Variants in DCC observed in about 807,000 individuals in gnomAD.
DCC encodes netrin receptor DCC.
A neutral mutation model predicts 172.5 loss-of-function variants in DCC; 58 were observed. That is an observed-to-expected ratio of 0.34 (90% CI 0.27 to 0.42). The LOEUF is 0.42. DCC is among the 10% of genes least tolerant of loss of function. DCC has a pLI of 1.00. For synonymous variants in DCC, 709 were observed against 644.5 expected, an observed-to-expected ratio of 1.10 and a Z score of -1.52; for missense variants, 1,740 against 1,791.0, an observed-to-expected ratio of 0.97 and a Z score of 0.51.
intron 8 of DCC, among the ~76,000 whole-genome samples, chr18:53,173,529 C>A (rs985935727): frequency 6.6e-6 from 1 of 152,110 alleles, no homozygotes; most frequent in Non-Finnish European, 1.5e-5. Context: ...GGTTGCAATC[C>A]TACTCTCTGA....
chr18:52,688,365 G>A (rs1398723995), intron 1 of DCC, among the ~76,000 whole-genome samples: 1 of 152,108 alleles, frequency 6.6e-6, no homozygotes, highest in Non-Finnish European at 1.5e-5. Context: ...AGCTTGGAGT[G>A]ATTGCAGTTT....
At chr18:52,639,782 C>A (rs1254228111) in intron 1 of DCC, among the ~76,000 whole-genome samples, 1 of 152,020 alleles carries the variant, frequency 6.6e-6, no homozygotes, top group African/African-American at 2.4e-5. Flanking sequence ...TCCTACGAGA[C>A]GTTCAAAGAA....
At chr18:53,453,072 C>T (rs1327636382) in intron 23 of DCC, among the ~76,000 whole-genome samples, 6 of 152,038 alleles carry the variant, frequency 3.9e-5, no homozygotes, top group Non-Finnish European at 7.4e-5. Context: ...CCCGCCACCA[C>T]GCCCAGCTAA....
intron 3 of DCC, among the ~76,000 whole-genome samples, chr18:52,908,293 G>C (rs961533968): frequency 1.3e-5 from 2 of 152,108 alleles, no homozygotes; most frequent in African/African-American, 4.8e-5. Flanking sequence ...TAGTCACAGG[G>C]ATACTGACTT....
At chr18:53,492,645 G>A (rs115829248) in intron 26 of DCC, among the ~76,000 whole-genome samples, 2,748 of 152,206 alleles carry the variant, frequency 0.018, 83 homozygotes, top group African/African-American at 0.062. Context: ...TGAGGCATCC[G>A]TTCTGTTCTG....
chr18:53,131,540 A>G (rs2043651200), intron 7 of DCC, among the ~76,000 whole-genome samples: 1 of 152,152 alleles, frequency 6.6e-6, no homozygotes. Context: ...CACTTTGATG[A>G]CCTGGCTTTG....
At chr18:52,435,510 C>T (rs1987763238) in intron 1 of DCC, among the ~76,000 whole-genome samples, 1 of 152,194 alleles carries the variant, frequency 6.6e-6, no homozygotes, top group Non-Finnish European at 1.5e-5. Context: ...ATCCCTGCAG[C>T]TTTGTCACTT....
rs765531236 is a variant in DCC, at chr18:53,063,366, G to T, written c.1047G>T (p.Glu349Asp). The stretch of plus-strand genomic sequence containing the variant: ...ATGCCTATGAAAGCATGGATATTGA[G>T]TTTGAATGTACAGTCTCTGGAAAGC... The part of the protein sequence containing the change: ...NLYAYESMDI[E>D]FECTVSGKPV... The change falls in exon 6 of 29, where the codon GAG (glutamate) becomes GAT (aspartate). Residue 349 changes from glutamate to aspartate, a missense_variant. Physicochemically the swap from Glu to Asp is conservative, Grantham distance 45 (BLOSUM62 2). This residue lies in a region of DCC where 1,732 missense variants were observed against 1,767.4 expected (regional missense o/e 0.98). Coordinates refer to ENST00000442544, the MANE Select transcript of DCC (RefSeq NM_005215.4). 1.2e-6 allele frequency: 2 copies of T among 1,613,048 alleles called. No individual in the cohort carries two copies. The highest frequency in any genetic ancestry group is 2.2e-5 in the South Asian group (2 of 91,056).
chr18:53,307,723 A>G (rs1243487687), intron 13 of DCC, among the ~76,000 whole-genome samples: 1 of 151,400 alleles, frequency 6.6e-6, no homozygotes, highest in Admixed American at 6.6e-5. Flanking sequence ...TAGCAAATAG[A>G]GAAATGCAAA....
At chr18:53,363,094 C>A (rs997741627) in intron 15 of DCC, among the ~76,000 whole-genome samples, 1 of 152,072 alleles carries the variant, frequency 6.6e-6, no homozygotes, top group Admixed American at 6.6e-5. Flanking sequence ...GGACTTGTAC[C>A]AAATCCCTTA....
intron 1 of DCC, among the ~76,000 whole-genome samples, chr18:52,605,198 C>A (rs1012878950): frequency 2.0e-5 from 3 of 151,918 alleles, no homozygotes; most frequent in East Asian, 1.9e-4. Context: ...CGGGTGGAAG[C>A]CTATTATAAA....
chr18:53,369,653 T>C (rs2058040093), intron 15 of DCC, among the ~76,000 whole-genome samples: 1 of 151,932 alleles, frequency 6.6e-6, no homozygotes, highest in Admixed American at 6.6e-5. Context: ...TTTCCTTTGA[T>C]TCCTAGTTTG....
At chr18:53,056,546 C>T (rs943629128) in intron 5 of DCC, among the ~76,000 whole-genome samples, 4 of 152,128 alleles carry the variant, frequency 2.6e-5, no homozygotes, top group African/African-American at 9.7e-5. Context: ...CTTGAAATAA[C>T]CCATTTGTTT....
At chr18:53,151,955 A>G (rs1019876939) in intron 7 of DCC, among the ~76,000 whole-genome samples, 11 of 152,186 alleles carry the variant, frequency 7.2e-5, no homozygotes, top group African/African-American at 2.7e-4. Flanking sequence ...TTCTTCATTT[A>G]GACAATAAAA....
At chr18:52,781,052 G>C (rs543723715) in intron 2 of DCC, among the ~76,000 whole-genome samples, 11 of 152,184 alleles carry the variant, frequency 7.2e-5, no homozygotes, top group African/African-American at 2.6e-4. Flanking sequence ...AAGACTTAAA[G>C]ACCCAGGGAA....
intron 2 of DCC, among the ~76,000 whole-genome samples, chr18:52,779,326 C>A (rs185262144): frequency 3.4e-4 from 52 of 152,112 alleles, no homozygotes; most frequent in Non-Finnish European, 5.0e-4. Context: ...CCCAACAGGC[C>A]CCAGTGTTTG....
intron 1 of DCC, among the ~76,000 whole-genome samples, chr18:52,420,573 T>C (rs1238035095): frequency 6.6e-6 from 1 of 150,618 alleles, no homozygotes; most frequent in Admixed American, 6.7e-5. Context: ...ATTTAGGTCA[T>C]CAGAAGAAAT....
intron 1 of DCC, among the ~76,000 whole-genome samples, chr18:52,583,209 C>T (rs1315931470): frequency 6.6e-6 from 1 of 152,120 alleles, no homozygotes; most frequent in Non-Finnish European, 1.5e-5. Context: ...TCAGTGCCTA[C>T]AAAAGCTAGC....
In DCC at chr18:52,531,635, G is replaced by C. The variant is rs182319362; in HGVS notation, c.91+190757G>C. Among the ~76,000 whole-genome samples the C allele has an allele frequency of 1.3e-3, 192 of 152,128 alleles. 1 individual carries two copies. Among genetic ancestry groups the C allele is most frequent in the South Asian group, 3.5e-3 (17 of 4,816 alleles). On this transcript the variant is annotated intron_variant, in intron 1 of 28. Transcript: ENST00000442544. Reference sequence around the variant, plus strand: ...ATCTATAGCCTGTCTGGTCTCCATAGTTTTAATGAGTTTTCCATTTTTTTT... The same window carrying C: ...ATCTATAGCCTGTCTGGTCTCCATACTTTTAATGAGTTTTCCATTTTTTTT...
Sources: allele counts gnomAD v4.1 joint callset (sites outside exome capture counted in the v4.1 genomes callset), GRCh38; gene constraint gnomAD v4.1.1; regional missense constraint gnomAD v4.1.1; transcripts MANE v1.5; gene names NCBI Gene and HGNC (gene_info 2026-07-23, HGNC 2026-07-21).